The following A2M variants were observed in gnomAD, a reference collection of about 807,000 sequenced individuals.
The protein encoded by A2M is alpha-2-macroglobulin.
A neutral mutation model predicts 183.9 loss-of-function variants in A2M; 128 were observed. That is an observed-to-expected ratio of 0.70 (90% confidence interval 0.60 to 0.81). The LOEUF (loss-of-function observed/expected upper bound fraction) is 0.81. A2M is among the 30% of genes least tolerant of loss of function. A2M has a pLI of 0.00. For synonymous variants in A2M, 592 were observed against 670.8 expected, an observed-to-expected ratio of 0.88 and a Z score of 1.81; for missense variants, 1,495 against 1,787.6, an observed-to-expected ratio of 0.84 and a Z score of 2.95.
At chr12:9,093,419 C>A in intron 18 of A2M, 46 bp downstream of exon 18, 1 of 1,318,352 alleles carries the variant, frequency 7.6e-7, no homozygotes, top group Admixed American at 1.7e-5. Flanking sequence ...TGAAAATAGT[C>A]AGGGACCTCT....
chr12:9,110,594 G>T (rs78932688), intron 4 of A2M, among the ~76,000 whole-genome samples: 2,044 of 151,562 alleles, frequency 0.013, 44 homozygotes, highest in African/African-American at 0.045. Flanking sequence ...ATTGGATAAT[G>T]ATATGGATAA....
chr12:9,108,368 T>C (rs944027549), intron 7 of A2M, among the ~76,000 whole-genome samples: 1 of 152,146 alleles, frequency 6.6e-6, no homozygotes, highest in Non-Finnish European at 1.5e-5. Flanking sequence ...CCTCGTGATC[T>C]GCCCACCTCA....
At chr12:9,098,780 A>G (rs1949464790) in intron 14 of A2M, 24 bp from the exon 15 acceptor site, 3 of 1,609,150 alleles carry the variant, frequency 1.9e-6, no homozygotes, top group Non-Finnish European at 2.5e-6. Context: ...ACAAAAGGTC[A>G]GAAAAGCAAA....
At chr12:9,093,663 A>G (rs1196882059) in intron 17 of A2M, 84 bp from the exon 18 acceptor site, 1 of 752,028 alleles carries the variant, frequency 1.3e-6, no homozygotes, top group African/African-American at 1.8e-5. Flanking sequence ...CCAAAAAAAA[A>G]AAACAAAAAA....
chr12:9,074,473 T>A (rs957850231), intron 29 of A2M, 87 bp downstream of exon 29: 30 of 1,292,244 alleles, frequency 2.3e-5, no homozygotes, highest in African/African-American at 4.5e-5. Flanking sequence ...CATCTGTATT[T>A]TTTTCTTCTT....
chr12:9,114,988 G>T (rs1350296846), intron 1 of A2M, among the ~76,000 whole-genome samples: 1 of 152,084 alleles, frequency 6.6e-6, no homozygotes, highest in East Asian at 1.9e-4. Flanking sequence ...GTGAATTTAT[G>T]CATCCATGGA....
At position 9,082,485 on chromosome 12, in the gene A2M, G is replaced by A. The variant is rs993815495; in HGVS notation, c.2771-2308C>T. On this transcript the variant is annotated intron_variant, in intron 22 of 35. Transcript: ENST00000318602. ...TGGCCCAGCCAACTAGGGAACCCATGAAAACTCTGCCTGCTCAAGGTTGTC... is the reference window on the plus strand; with the variant it reads ...TGGCCCAGCCAACTAGGGAACCCATAAAAACTCTGCCTGCTCAAGGTTGTC... Among the ~76,000 whole-genome samples the A allele has an allele frequency of 2.1e-4, 32 of 152,210 alleles. 1 individual carries two copies. Among genetic ancestry groups the A allele is most frequent in the Admixed American group, 1.8e-3 (27 of 15,274 alleles).
chr12:9,113,660 C>T lies in A2M; in HGVS notation c.87-117G>A, dbSNP rs1466698392. 18 of 1,039,872 alleles carry T rather than the reference C, an allele frequency of 1.7e-5. No individual in the cohort carries two copies. In the South Asian group the frequency reaches 3.0e-4, roughly 17 times the overall value. 64.4% of individuals were successfully genotyped at this position (1,039,872 alleles called of 1,614,324 possible). A position where few individuals can be genotyped will look rare whatever the true frequency, so the allele number is the denominator to read the frequency against. On this transcript the variant is annotated intron_variant, in intron 1 of 35. Transcript: ENST00000318602. Reference sequence around the variant, plus strand: ...CAGTTCTACACCAAGAGAAGATGTACTGATGAGCATGAAATTTGGCCGTTG... The same window carrying T: ...CAGTTCTACACCAAGAGAAGATGTATTGATGAGCATGAAATTTGGCCGTTG...
At chr12:9,078,163 T>C (rs997300852) in intron 25 of A2M, among the ~76,000 whole-genome samples, 2 of 152,168 alleles carry the variant, frequency 1.3e-5, no homozygotes, top group Admixed American at 6.6e-5. Flanking sequence ...CTTGCACCTA[T>C]TGACCCATCC....
chr12:9,109,536 A>G (rs1205067832), intron 6 of A2M, 131 bp from the exon 7 acceptor site: 3 of 696,544 alleles, frequency 4.3e-6, no homozygotes, highest in South Asian at 1.8e-5. Context: ...TCTCCAATCT[A>G]TTCTTATCTA....
chr12:9,102,864 T>C (rs7980288), intron 11 of A2M, among the ~76,000 whole-genome samples: 2,024 of 152,344 alleles, frequency 0.013, 42 homozygotes, highest in African/African-American at 0.046. Context: ...GGTGCTTTTA[T>C]GCCATCTATT....
chr12:9,090,740 T>C (rs1337955784), intron 19 of A2M, among the ~76,000 whole-genome samples: 3 of 152,222 alleles, frequency 2.0e-5, no homozygotes, highest in Non-Finnish European at 4.4e-5. Flanking sequence ...AATGATGGCA[T>C]GCTGCTCTAC....
intron 7 of A2M, 60 bp downstream of exon 7, chr12:9,109,261 C>T (rs1262656120): frequency 7.2e-6 from 10 of 1,394,660 alleles, no homozygotes; most frequent in Non-Finnish European, 1.0e-5. Context: ...TTAAAATATC[C>T]CAAATGGTGA....
At position 9,115,774 on chromosome 12, in the gene A2M, A is replaced by C. The variant is rs1243013494; in HGVS notation, c.76T>G (p.Ser26Ala). The C allele has an allele frequency of 1.3e-5, 21 of 1,613,078 alleles. No homozygotes were observed. The highest frequency in any genetic ancestry group is 1.7e-5 in the Non-Finnish European group (20 of 1,179,130). The stretch of plus-strand genomic sequence containing the variant: ...CTGTGTGGAACTCACGGTTTTCCAG[A>C]GACTGAGGCGTCTGTGGGCAGGAGG... ...LVLLPTDASV[S>A]GKPQYMVLVP... The change falls in exon 1 of 36, where the codon TCT becomes GCT. Residue 26 changes from serine to alanine, a missense_variant. By Grantham distance (99) the Ser-to-Ala change is moderately conservative (BLOSUM62 1). Transcript: ENST00000318602.
intron 22 of A2M, among the ~76,000 whole-genome samples, chr12:9,085,238 A>G (rs1949020184): frequency 6.6e-6 from 1 of 152,120 alleles, no homozygotes; most frequent in African/African-American, 2.4e-5. Context: ...TCTCCAAGAT[A>G]GATCATATTT....
intron 28 of A2M, among the ~76,000 whole-genome samples, chr12:9,076,177 A>G (rs1948743258): frequency 6.6e-6 from 1 of 152,236 alleles, no homozygotes; most frequent in African/African-American, 2.4e-5. Flanking sequence ...GTTTAAGGTT[A>G]TATAATGTAC....
In A2M at chr12:9,115,844, C is replaced by G. The variant is rs750578780; in HGVS notation, c.6G>C (p.Gly2=). 1 of 1,612,952 alleles carries G rather than the reference C, an allele frequency of 6.2e-7. No homozygotes were observed. Among genetic ancestry groups the G allele is most frequent in the South Asian group, 1.1e-5 (1 of 91,066 alleles). The part of the protein sequence containing the change: M[G]KNKLLHPSLV... ...GACTTGGATGAAGGAGTTTGTTCTT[C>G]CCCATGTTGCAGAAAGAAGGAGCTG... Residue 2 remains glycine (G), a synonymous_variant, in exon 1 of 36, where the codon GGG becomes GGC. Coordinates refer to ENST00000318602, the MANE Select transcript of A2M (RefSeq NM_000014.6).
intron 31 of A2M, among the ~76,000 whole-genome samples, chr12:9,071,671 C>T (rs1948585248): frequency 1.3e-5 from 2 of 152,150 alleles, no homozygotes; most frequent in Non-Finnish European, 2.9e-5. Context: ...TTAGCTCCCA[C>T]TTACAAATGA....
At chr12:9,096,855 T>C (rs976941516) in intron 15 of A2M, among the ~76,000 whole-genome samples, 3 of 152,220 alleles carry the variant, frequency 2.0e-5, no homozygotes, top group African/African-American at 7.2e-5. Flanking sequence ...CATTTTTATC[T>C]TTCCAGTAGC....
Sources: gnomAD v4.1 joint callset for allele counts (sites outside exome capture counted in the v4.1 genomes callset) on GRCh38, gnomAD v4.1.1 for gene constraint, MANE v1.5 for transcripts, NCBI Gene and HGNC (gene_info 2026-07-23, HGNC 2026-07-21) for gene names.